USH2A: variants seen among roughly 807,000 people sequenced by gnomAD.
USH2A encodes usherin.
In USH2A, 443 loss-of-function variants were observed where a neutral mutation model predicts 538.9. That is an observed-to-expected ratio of 0.82 (90% CI 0.76 to 0.89). The LOEUF (loss-of-function observed/expected upper bound fraction) is 0.89. Among genes scored for constraint, USH2A ranks in the 40% least tolerant of loss-of-function variants. USH2A has a pLI of 0.00. For synonymous variants in USH2A, 2,413 were observed against 2,273.5 expected (o/e 1.06, Z -1.75); for missense variants, 6,633 against 6,324.8 (o/e 1.05, Z -1.65).
At chr1:215,941,798 T>C (rs17025659) in intron 37 of USH2A, among the ~76,000 whole-genome samples, 5,901 of 152,256 alleles carry the variant, frequency 0.039, 129 homozygotes, top group Middle Eastern at 0.092. Flanking sequence ...ATACTTGAGA[T>C]GGTTCCTCTG....
rs145968830 is a variant in USH2A at position 216,112,512 on chromosome 1, C to T, written c.4628-15299G>A. On this transcript the variant is annotated intron_variant, in intron 21 of 71. Coordinates refer to ENST00000307340, the MANE Select transcript of USH2A (RefSeq NM_206933.4). ...GGTACATGTGAAGGTTTGTTACATA[C>T]ATGAATTTGTGTCACGGGGGTTCAA... Among the ~76,000 whole-genome samples, 12 of 152,132 alleles carry T rather than the reference C, an allele frequency of 7.9e-5. No homozygotes were observed. The East Asian group carries it at 2.3e-3, about 29-fold the overall frequency.
At chr1:216,065,487 AATT>A (rs1170561802) in intron 30 of USH2A, among the ~76,000 whole-genome samples, 4 of 152,234 alleles carry the variant, frequency 2.6e-5, no homozygotes, top group African/African-American at 7.2e-5. Flanking sequence ...TGCAAATCAA[AATT>A]TTTTAAAAAA....
At position 216,409,041 on chromosome 1, in the gene USH2A, G is replaced by T. The variant is rs143991166; in HGVS notation, c.651+9473C>A. On this transcript the variant is annotated intron_variant, in intron 3 of 71. Coordinates refer to ENST00000307340, the MANE Select transcript of USH2A (RefSeq NM_206933.4). ...CAAACAACAGAAAGCAAAGCCAAGG[G>T]TAATGGAGTACTACTGTATACTAAT... Among the ~76,000 whole-genome samples, 17 of 152,256 alleles carry T rather than the reference G, an allele frequency of 1.1e-4. No individual in the cohort carries two copies. In the East Asian group the frequency reaches 3.1e-3, roughly 28 times the overall value.
chr1:215,886,159 A>G (rs893340301), intron 41 of USH2A, among the ~76,000 whole-genome samples: 1 of 152,192 alleles, frequency 6.6e-6, no homozygotes, highest in Non-Finnish European at 1.5e-5. Flanking sequence ...ATCCATCCTA[A>G]TACCTGGAAC....
At chr1:216,330,440 A>C (rs2037836788) in intron 4 of USH2A, among the ~76,000 whole-genome samples, 1 of 151,986 alleles carries the variant, frequency 6.6e-6, no homozygotes, top group East Asian at 1.9e-4. Flanking sequence ...GGGGAATGGG[A>C]ATGAGTCATA....
intron 61 of USH2A, among the ~76,000 whole-genome samples, chr1:215,686,266 A>G (rs4372227): frequency 0.11 from 17,437 of 152,156 alleles, 1,332 homozygotes; most frequent in South Asian, 0.29. Context: ...TGGCAGTGCT[A>G]TAATAAGCAC....
At chr1:215,743,026 CTG>C (rs1410199532) in intron 59 of USH2A, 149 bp downstream of exon 59, 7 of 810,286 alleles carry the variant, frequency 8.6e-6, no homozygotes, top group African/African-American at 6.9e-5. Flanking sequence ...CGATGCCAGA[CTG>C]TGATTTTTCT....
chr1:215,760,484 T>C (rs1393063682), intron 56 of USH2A, among the ~76,000 whole-genome samples: 2 of 152,142 alleles, frequency 1.3e-5, no homozygotes, highest in Non-Finnish European at 2.9e-5. Flanking sequence ...ATGCATATGC[T>C]GAAGACCCCC....
chr1:216,297,753 T>G (rs1435129919), intron 9 of USH2A, among the ~76,000 whole-genome samples: 2 of 152,116 alleles, frequency 1.3e-5, no homozygotes, highest in Admixed American at 1.3e-4. Context: ...ATGACCAAAA[T>G]TTATTTCTGG....
chr1:216,168,337 G>T (rs1006405040), intron 21 of USH2A, among the ~76,000 whole-genome samples: 11 of 152,050 alleles, frequency 7.2e-5, no homozygotes, highest in Non-Finnish European at 1.6e-4. Flanking sequence ...TGGCAGAAAA[G>T]ACACTGGACA....
intron 32 of USH2A, among the ~76,000 whole-genome samples, chr1:216,025,676 T>A (rs1221555179): frequency 6.6e-6 from 1 of 152,092 alleles, no homozygotes; most frequent in East Asian, 1.9e-4. Flanking sequence ...CAGTTTACAG[T>A]AAAGGTATGT....
chr1:216,024,917 A>G (rs1668928317), intron 32 of USH2A, among the ~76,000 whole-genome samples: 4 of 152,098 alleles, frequency 2.6e-5, no homozygotes, highest in African/African-American at 9.6e-5. Context: ...TAAAACGGTG[A>G]ATGATTTTAG....
At chr1:216,330,284 A>G (rs118101945) in intron 4 of USH2A, among the ~76,000 whole-genome samples, 1,526 of 152,308 alleles carry the variant, frequency 0.01, 42 homozygotes, top group Admixed American at 0.059. Flanking sequence ...GTAGATAAAC[A>G]TAATGAATGA....
chr1:215,870,830 T>A (rs1229550834), intron 43 of USH2A, among the ~76,000 whole-genome samples: 1 of 152,142 alleles, frequency 6.6e-6, no homozygotes, highest in African/African-American at 2.4e-5. Flanking sequence ...ATTGTTGATA[T>A]TAAATGGGAC....
At chr1:215,921,993 A>G (rs951388774) in intron 38 of USH2A, among the ~76,000 whole-genome samples, 1 of 152,038 alleles carries the variant, frequency 6.6e-6, no homozygotes, top group East Asian at 1.9e-4. Context: ...ATGTCAACCT[A>G]CTCTGGAGTT....
chr1:216,013,011 C>T (rs1398805158), intron 32 of USH2A, among the ~76,000 whole-genome samples: 9 of 152,176 alleles, frequency 5.9e-5, no homozygotes, highest in Admixed American at 5.2e-4. Context: ...TCACAGCTGA[C>T]ATCTCCTCAT....
At chr1:215,861,329 T>A (rs546216530) in intron 44 of USH2A, among the ~76,000 whole-genome samples, 1 of 152,362 alleles carries the variant, frequency 6.6e-6, no homozygotes, top group Non-Finnish European at 1.5e-5. Flanking sequence ...ATAGCTAATT[T>A]CTACTTTTAA....
rs559298486 is a variant in USH2A, at chr1:215,847,929, G to T, written c.8846-1896C>A. ...ACTTTAGCTCTAGAAATAGTTAAAA[G>T]GGTATGATGTGCCAGTGTAGTTGGA... On this transcript the variant is annotated intron_variant, in intron 44 of 71. Coordinates refer to ENST00000307340, the MANE Select transcript of USH2A (RefSeq NM_206933.4). 3.3e-5 allele frequency among the ~76,000 whole-genome samples: 5 copies of T among 152,238 alleles called. No homozygotes were observed. The South Asian group carries it at 6.2e-4, about 19-fold the overall frequency.
intron 3 of USH2A, among the ~76,000 whole-genome samples, chr1:216,412,754 T>C (rs567173475): frequency 2.0e-5 from 3 of 151,862 alleles, no homozygotes; most frequent in African/African-American, 7.2e-5. Flanking sequence ...ATTATTTAGA[T>C]CTGCTCAGTG....
Sources: gnomAD v4.1 joint callset for allele counts (sites outside exome capture counted in the v4.1 genomes callset) on GRCh38, gnomAD v4.1.1 for gene constraint, MANE v1.5 for transcripts, NCBI Gene and HGNC (gene_info 2026-07-23, HGNC 2026-07-21) for gene names.